Variants in TDRD9 observed in about 807,000 individuals in gnomAD.
The protein encoded by TDRD9 is ATP-dependent RNA helicase TDRD9.
A neutral mutation model predicts 172.6 loss-of-function variants in TDRD9; 124 were observed. The observed-to-expected ratio is 0.72, with a 90% CI of 0.62 to 0.83. The LOEUF is 0.83. TDRD9 is among the 40% of genes least tolerant of loss of function. The pLI is 0.00. For missense variants in TDRD9, 1,479 were observed against 1,714.1 expected (o/e 0.86, Z 2.42); for synonymous variants, 619 against 617.1 (o/e 1.00, Z -0.05).
intron 1 of TDRD9, among the ~76,000 whole-genome samples, chr14:103,929,382 T>C (rs2030213488): frequency 6.6e-6 from 1 of 152,168 alleles, no homozygotes; most frequent in Admixed American, 6.5e-5. Flanking sequence ...TTAGTATTAG[T>C]ATGCATTTGG....
intron 1 of TDRD9, chr14:103,941,463 T>C (rs2031228276): frequency 6.5e-7 from 1 of 1,535,316 alleles, no homozygotes; most frequent in African/African-American, 1.4e-5. Flanking sequence ...TTGTCTTTGT[T>C]CAGTCACTGG....
intron 28 of TDRD9, among the ~76,000 whole-genome samples, chr14:104,028,919 C>A (rs2035201889): frequency 6.6e-6 from 1 of 152,152 alleles, no homozygotes; most frequent in Admixed American, 6.6e-5. Context: ...TTTCCCAGCA[C>A]CATCTATTGA....
intron 1 of TDRD9, among the ~76,000 whole-genome samples, chr14:103,951,990 G>T (rs919771521): frequency 4.0e-5 from 6 of 150,104 alleles, no homozygotes; most frequent in African/African-American, 1.5e-4. Flanking sequence ...GGGTGGTCTC[G>T]ATCTCCTGAC....
In TDRD9 at chr14:104,024,749, T is replaced by TACAC. The variant is rs60394937; in HGVS notation, c.2718+107_2718+110dup. 3.8e-3 allele frequency: 1,674 copies of TACAC among 435,006 alleles called. 18 individuals carry two copies. The highest frequency in any genetic ancestry group is 0.028 in the African/African-American group (1,387 of 48,944). The allele number at this position is 435,006 out of a possible 1,614,324, so 26.9% of individuals were successfully genotyped here. A position where few individuals can be genotyped will look rare whatever the true frequency, so the allele number is the denominator to read the frequency against. ...ATCATCATGTTGTATACAGGAAGTT[T>TACAC]ACACACACACACACACACACACACA... is the stretch of plus-strand genomic sequence containing the variant. On this transcript the variant is annotated intron_variant, in intron 25 of 35. Coordinates refer to ENST00000409874, the MANE Select transcript of TDRD9 (RefSeq NM_153046.3).
At position 104,031,468 on chromosome 14, in the gene TDRD9, GTT is replaced by G. The variant is rs55696833; in HGVS notation, c.3438+228_3438+229del. Among the ~76,000 whole-genome samples, 296 of 105,084 alleles carry G rather than the reference GTT, an allele frequency of 2.8e-3. 2 individuals carry two copies. Among genetic ancestry groups the G allele is most frequent in the African/African-American group, 9.1e-3 (257 of 28,386 alleles). The allele number at this position is 105,084 out of a possible 152,430, so 68.9% of individuals were successfully genotyped here. On this transcript the variant is annotated intron_variant, in intron 29 of 35. Coordinates refer to ENST00000409874, the MANE Select transcript of TDRD9 (RefSeq NM_153046.3). ...GGGGTTTAGAGAGAAGCTTTGACTA[GTT>G]TTTTTTTTTTTTTTTTTTTTTTAAA...
At chr14:103,941,460 T>C (rs1216128521) in intron 1 of TDRD9, 4 of 1,535,324 alleles carry the variant, frequency 2.6e-6, no homozygotes, top group Non-Finnish European at 3.5e-6. Flanking sequence ...AAGTTGTCTT[T>C]GTTCAGTCAC....
At chr14:103,941,566 ATC>A (rs910458152) in intron 1 of TDRD9, 25 of 1,535,010 alleles carry the variant, frequency 1.6e-5, no homozygotes, top group Non-Finnish European at 1.8e-5. Flanking sequence ...TCTTGTATTA[ATC>A]TCTCTCGCTC....
chr14:104,022,729 AAAATAAATAAAT>A (rs139166055), intron 24 of TDRD9, among the ~76,000 whole-genome samples: 14 of 145,984 alleles, frequency 9.6e-5, no homozygotes, highest in African/African-American at 3.3e-4. Flanking sequence ...GCTGTCTTAA[AAAATAAATAAAT>A]AAATAAATAA....
At chr14:103,939,741 G>GTTTTTTTTTTTTT (rs1322302073) in intron 1 of TDRD9, 1 of 4,634 alleles carries the variant, frequency 2.2e-4, no homozygotes, top group African/African-American at 3.9e-4. Flanking sequence ...TTGAAAAAAA[G>GTTTTTTTTTTTTT]TGTTTTTTTT....
At chr14:104,002,353 C>T (rs952332444) in intron 13 of TDRD9, among the ~76,000 whole-genome samples, 1 of 148,502 alleles carries the variant, frequency 6.7e-6, no homozygotes, top group Admixed American at 6.7e-5. Flanking sequence ...AAATTTTAGA[C>T]AAATTAAATT....
intron 12 of TDRD9, among the ~76,000 whole-genome samples, chr14:103,996,688 C>T (rs969661936): frequency 1.3e-5 from 2 of 151,936 alleles, no homozygotes; most frequent in African/African-American, 4.8e-5. Flanking sequence ...TTTGTACCAG[C>T]GAAATAGCAG....
At chr14:103,974,943 T>A (rs570824401) in intron 6 of TDRD9, among the ~76,000 whole-genome samples, 8 of 152,200 alleles carry the variant, frequency 5.3e-5, no homozygotes, top group South Asian at 2.1e-4. Flanking sequence ...TTAATTAATT[T>A]ATTTTTTTGT....
In TDRD9 at chr14:103,980,911, G is replaced by T. The variant is rs925560628; in HGVS notation, c.1012-5306G>T. ...CTATGTCCCCTCAGCTCCTGTCTCT[G>T]TATGGCCTGGTTTTTCCTAGGTTAT... On this transcript the variant is annotated intron_variant, in intron 7 of 35. Transcript: ENST00000409874. This position sits in a 1 kb window ranked among gnomAD's most constrained non-coding sequence, Gnocchi z 4.5. 6.6e-6 allele frequency among the ~76,000 whole-genome samples: 1 copy of T among 152,026 alleles called. No individual in the cohort carries two copies. Among genetic ancestry groups the T allele is most frequent in the Non-Finnish European group, 1.5e-5 (1 of 68,018 alleles).
At position 104,026,115 on chromosome 14, in the gene TDRD9, A is replaced by G. The variant is rs2035109383; in HGVS notation, c.3000A>G (p.Gln1000=). 3.7e-6 allele frequency: 6 copies of G among 1,608,872 alleles called. No homozygotes were observed. The highest frequency in any genetic ancestry group is 1.6e-4 in the Middle Eastern group (1 of 6,076). ...DLHLLMEIPC[Q]FLELPFQALE... ...ATCTTTTGATGGAGATTCCCTGTCAATTTCTTGAACTTCCTTTCCAGGTAA... is the reference window on the plus strand; with the variant it reads ...ATCTTTTGATGGAGATTCCCTGTCAGTTTCTTGAACTTCCTTTCCAGGTAA... Residue 1000 remains glutamine, a synonymous_variant, in exon 27 of 36, where the codon CAA becomes CAG. Coordinates refer to ENST00000409874, the MANE Select transcript of TDRD9 (RefSeq NM_153046.3).
intron 2 of TDRD9, among the ~76,000 whole-genome samples, chr14:103,957,224 A>G (rs1010821398): frequency 2.0e-5 from 3 of 152,054 alleles, no homozygotes; most frequent in African/African-American, 7.2e-5. Context: ...GTTCTGGTTA[A>G]TTTCTGCTAG....
chr14:103,986,418 C>G, intron 8 of TDRD9, 98 bp downstream of exon 8: 1 of 855,078 alleles, frequency 1.2e-6, no homozygotes, highest in Non-Finnish European at 1.8e-6. Flanking sequence ...GAAGGTATAA[C>G]TATAGGTACT....
At chr14:103,947,330 TG>T (rs1340818395) in intron 1 of TDRD9, among the ~76,000 whole-genome samples, 4 of 151,892 alleles carry the variant, frequency 2.6e-5, no homozygotes, top group African/African-American at 9.7e-5. Context: ...TTTGTTTTTT[TG>T]TTTTTTTTTG....
intron 2 of TDRD9, among the ~76,000 whole-genome samples, chr14:103,962,483 G>T (rs942655162): frequency 6.6e-6 from 1 of 152,176 alleles, no homozygotes; most frequent in South Asian, 2.1e-4. Flanking sequence ...AGTTTCTTAA[G>T]AAATTAAACT....
At chr14:103,966,573 AC>A in intron 4 of TDRD9, 135 bp from the exon 5 acceptor site, 1 of 875,282 alleles carries the variant, frequency 1.1e-6, no homozygotes, top group South Asian at 2.7e-5. Flanking sequence ...TGAGAATGTC[AC>A]TTTTAATTTG....
Sources: gnomAD v4.1 joint callset for allele counts (sites outside exome capture counted in the v4.1 genomes callset) on GRCh38, gnomAD v4.1.1 for gene constraint, Gnocchi (gnomAD v3.1) non-coding constraint, MANE v1.5 for transcripts, NCBI Gene and HGNC (gene_info 2026-07-23, HGNC 2026-07-21) for gene names.